Variants in UMAD1 observed in about 807,000 individuals in gnomAD.
The protein encoded by UMAD1 is UBAP1-MVB12-associated (UMA) domain containing 1, also known as UBAP1-MVB12-associated (UMA)-domain containing protein 1.
UMAD1 carries 8 observed loss-of-function variants against 6.1 expected under a neutral mutation model. That is an observed-to-expected ratio of 1.30 (90% confidence interval 0.76 to 2.35). The LOEUF (loss-of-function observed/expected upper bound fraction) is 2.35, where lower values mean the gene tolerates loss of function less well. Ranked by LOEUF, UMAD1 falls within the 30% of genes most tolerant of loss-of-function variation. The probability of loss-of-function intolerance (pLI) is 0.00; values close to 1 mark genes in which losing one functional copy is unlikely to be tolerated. For synonymous variants in UMAD1, 56 were observed against 31.4 expected (o/e 1.78, Z -2.61); for missense variants, 130 against 78.4 (o/e 1.66, Z -2.49).
In UMAD1 at chr7:7,763,732, T is replaced by A. The variant is rs1043881609; in HGVS notation, c.83-37938T>A. ...TCTCTACTAAAACTGCAAAATTAGT[T>A]ACAAAAATAGTAGAGTGATTTATGT... On this transcript the variant is annotated intron_variant, in intron 2 of 3. Coordinates refer to ENST00000682710, the MANE Select transcript of UMAD1 (RefSeq NM_001302348.2). Among the ~76,000 whole-genome samples the A allele has an allele frequency of 1.3e-5, 2 of 152,180 alleles. 1 individual carries two copies. Among genetic ancestry groups the A allele is most frequent in the Admixed American group, 1.3e-4 (2 of 15,278 alleles).
chr7:7,708,162 A>G (rs1348716052), intron 2 of UMAD1, among the ~76,000 whole-genome samples: 1 of 152,178 alleles, frequency 6.6e-6, no homozygotes, highest in Non-Finnish European at 1.5e-5. Flanking sequence ...ATTATCATCT[A>G]AATAGCAATT....
intron 3 of UMAD1, among the ~76,000 whole-genome samples, chr7:7,842,262 G>A (rs1042884790): frequency 6.6e-6 from 1 of 152,066 alleles, no homozygotes; most frequent in South Asian, 2.1e-4. Context: ...TCTGCGCAGG[G>A]ATGATATTAT....
chr7:7,675,623 G>A (rs1779719074), intron 2 of UMAD1, among the ~76,000 whole-genome samples: 1 of 152,100 alleles, frequency 6.6e-6, no homozygotes, highest in South Asian at 2.1e-4. Flanking sequence ...GAATTTCCGG[G>A]ACCTAATTAC....
intron 2 of UMAD1, among the ~76,000 whole-genome samples, chr7:7,781,800 A>T (rs1195801159): frequency 1.3e-5 from 2 of 152,046 alleles, no homozygotes; most frequent in African/African-American, 4.8e-5. Context: ...GTCTGTGAAC[A>T]TTTAATTTAT....
At chr7:7,643,712 A>G (rs1017921964) in intron 1 of UMAD1, among the ~76,000 whole-genome samples, 1 of 50,814 alleles carries the variant, frequency 2.0e-5, no homozygotes, top group African/African-American at 9.2e-5. Context: ...ACTCCCTCTC[A>G]AAAAAAAAAA....
intron 1 of UMAD1, among the ~76,000 whole-genome samples, chr7:7,668,242 G>A (rs1196064949): frequency 1.3e-5 from 2 of 152,086 alleles, no homozygotes; most frequent in African/African-American, 2.4e-5. Flanking sequence ...TACACAATGT[G>A]AATAATTGTG....
At chr7:7,875,457 A>G (rs1402752871) in intron 3 of UMAD1, among the ~76,000 whole-genome samples, 1 of 152,232 alleles carries the variant, frequency 6.6e-6, no homozygotes, top group Non-Finnish European at 1.5e-5. Flanking sequence ...ACTAGTAAAG[A>G]TGAAAAGAGA....
intron 3 of UMAD1, among the ~76,000 whole-genome samples, chr7:7,855,097 C>T (rs536547921): frequency 6.6e-6 from 1 of 152,370 alleles, no homozygotes; most frequent in African/African-American, 2.4e-5. Flanking sequence ...AGTTCTGCCT[C>T]TGTGGCTTTG....
chr7:7,781,381 T>C (rs1463565122), intron 2 of UMAD1, among the ~76,000 whole-genome samples: 2 of 143,444 alleles, frequency 1.4e-5, no homozygotes, highest in African/African-American at 5.3e-5. Flanking sequence ...CTTTTTTTTT[T>C]AGTGGAAATT....
At chr7:7,767,128 CTT>C (rs71014711) in intron 2 of UMAD1, among the ~76,000 whole-genome samples, 7,509 of 129,738 alleles carry the variant, frequency 0.058, 504 homozygotes, top group African/African-American at 0.14. Flanking sequence ...AAATTAAGCT[CTT>C]TTTTTTTTTT....
chr7:7,673,130 T>C (rs913437023), intron 1 of UMAD1, among the ~76,000 whole-genome samples, 179 bp from the exon 2 acceptor site: 2 of 152,196 alleles, frequency 1.3e-5, no homozygotes, highest in Non-Finnish European at 2.9e-5. Flanking sequence ...GAGTTTAAAT[T>C]GGAAGATCAT....
intron 2 of UMAD1, among the ~76,000 whole-genome samples, chr7:7,782,632 T>A (rs752138032): frequency 1.3e-5 from 2 of 152,126 alleles, no homozygotes; most frequent in South Asian, 4.1e-4. Context: ...GAACCACAAA[T>A]GTAATCAGAA....
At chr7:7,678,206 C>G (rs975763147) in intron 2 of UMAD1, among the ~76,000 whole-genome samples, 3 of 151,788 alleles carry the variant, frequency 2.0e-5, no homozygotes, top group African/African-American at 7.3e-5. Context: ...TTCCTGCCAC[C>G]AGGGTATGAG....
At chr7:7,823,811 C>T (rs1335382607) in intron 3 of UMAD1, among the ~76,000 whole-genome samples, 1 of 152,090 alleles carries the variant, frequency 6.6e-6, no homozygotes, top group Non-Finnish European at 1.5e-5. Flanking sequence ...GTGAAAAATG[C>T]TTCCTTGTAA....
chr7:7,800,182 C>T (rs181572376), intron 2 of UMAD1, among the ~76,000 whole-genome samples: 1 of 152,294 alleles, frequency 6.6e-6, no homozygotes, highest in East Asian at 1.9e-4. Context: ...CATGCCTGGC[C>T]TTGTCACAGT....
chr7:7,799,741 A>G (rs1283321561), intron 2 of UMAD1, among the ~76,000 whole-genome samples: 1 of 152,154 alleles, frequency 6.6e-6, no homozygotes, highest in African/African-American at 2.4e-5. Context: ...CAAACTCCTC[A>G]TGCATTGGTT....
intron 2 of UMAD1, among the ~76,000 whole-genome samples, chr7:7,694,657 G>A (rs1440961028): frequency 6.6e-6 from 1 of 151,716 alleles, no homozygotes; most frequent in Admixed American, 6.6e-5. Flanking sequence ...CTCTCTGCCT[G>A]ACTTATTTCA....
intron 2 of UMAD1, among the ~76,000 whole-genome samples, chr7:7,706,495 CAG>C (rs1780603060): frequency 6.6e-6 from 1 of 152,058 alleles, no homozygotes; most frequent in African/African-American, 2.4e-5. Context: ...GTAATATTTC[CAG>C]AGTTTCCAAA....
At chr7:7,780,745 C>A (rs1045375375) in intron 2 of UMAD1, among the ~76,000 whole-genome samples, 1 of 152,200 alleles carries the variant, frequency 6.6e-6, no homozygotes, top group Non-Finnish European at 1.5e-5. Flanking sequence ...TCACTTCTTT[C>A]ACTAAAGATT....
Sources: gnomAD v4.1 joint callset for allele counts (sites outside exome capture counted in the v4.1 genomes callset) on GRCh38, gnomAD v4.1.1 for gene constraint, MANE v1.5 for transcripts, NCBI Gene and HGNC (gene_info 2026-07-23, HGNC 2026-07-21) for gene names.